FGF12: variants seen among roughly 807,000 people sequenced by gnomAD.
The protein encoded by FGF12 is fibroblast growth factor 12B.
Under a neutral mutation model 23.6 loss-of-function variants are expected in FGF12, and 14 were observed. The observed-to-expected ratio is 0.59, with a 90% CI of 0.39 to 0.93. The LOEUF (loss-of-function observed/expected upper bound fraction) is 0.93. FGF12 is among the 40% of genes least tolerant of loss of function. FGF12 has a pLI of 0.00. For synonymous variants in FGF12, 62 were observed against 77.3 expected, an observed-to-expected ratio of 0.80 and a Z score of 1.04; for missense variants, 175 against 217.8, an observed-to-expected ratio of 0.80 and a Z score of 1.24.
At chr3:192,479,781 C>T (rs1723428698) in intron 2 of FGF12, among the ~76,000 whole-genome samples, 1 of 152,090 alleles carries the variant, frequency 6.6e-6, no homozygotes, top group Admixed American at 6.6e-5. Flanking sequence ...TTTCCCATCC[C>T]CTAGAATATT....
At chr3:192,577,674 T>C (rs983377176) in intron 2 of FGF12, among the ~76,000 whole-genome samples, 2 of 152,226 alleles carry the variant, frequency 1.3e-5, no homozygotes, top group Non-Finnish European at 2.9e-5. Flanking sequence ...TTGAGGTTCA[T>C]AAAATAATTT....
chr3:192,228,014 G>C (rs547504734), intron 4 of FGF12, among the ~76,000 whole-genome samples: 32 of 152,232 alleles, frequency 2.1e-4, no homozygotes, highest in African/African-American at 7.7e-4. Flanking sequence ...TGAGGAAAGA[G>C]GAGATGTTGG....
intron 4 of FGF12, among the ~76,000 whole-genome samples, chr3:192,311,751 T>C (rs1715949677): frequency 6.6e-6 from 1 of 152,232 alleles, no homozygotes; most frequent in South Asian, 2.1e-4. Context: ...TGCACCATTT[T>C]ACATTCTCAC....
chr3:192,340,870 T>A (rs1039912773), intron 3 of FGF12, among the ~76,000 whole-genome samples: 8 of 151,878 alleles, frequency 5.3e-5, no homozygotes, highest in South Asian at 2.1e-4. Flanking sequence ...GAAAAAAACA[T>A]AGGGGAAAAA....
chr3:192,462,638 T>C (rs1722897610), intron 2 of FGF12, among the ~76,000 whole-genome samples: 2 of 152,176 alleles, frequency 1.3e-5, no homozygotes, highest in South Asian at 2.1e-4. Context: ...CACAGAGTTA[T>C]TGGCAAGTTA....
rs1218475398 is a variant in FGF12, at chr3:192,141,553, A to G, written c.*2456T>C. Reference sequence around the variant, plus strand: ...TGAACATTTGCTTAACATAATACGGAGAAAAACAATATACAAATTGTGTGG... The same window carrying G: ...TGAACATTTGCTTAACATAATACGGGGAAAAACAATATACAAATTGTGTGG... On this transcript the variant is annotated 3_prime_UTR_variant, in exon 6 of 6. Transcript: ENST00000445105. 6.6e-6 allele frequency: 1 copy of G among 152,048 alleles called. No individual in the cohort carries two copies. The highest frequency in any genetic ancestry group is 1.5e-5 in the Non-Finnish European group (1 of 67,892). 9.4% of individuals were successfully genotyped at this position (152,048 alleles called of 1,614,324 possible).
At chr3:192,280,494 G>C (rs2108638722) in intron 4 of FGF12, among the ~76,000 whole-genome samples, 1 of 152,176 alleles carries the variant, frequency 6.6e-6, no homozygotes, top group Non-Finnish European at 1.5e-5. Context: ...AAAATCAATA[G>C]TTGTATTACT....
chr3:192,169,939 T>C (rs1256040035), intron 5 of FGF12, among the ~76,000 whole-genome samples: 2 of 150,504 alleles, frequency 1.3e-5, no homozygotes, highest in African/African-American at 2.4e-5. Context: ...CTGAGAAGGA[T>C]ACAGTGCAAT....
intron 4 of FGF12, among the ~76,000 whole-genome samples, chr3:192,236,423 T>C (rs1719303039): frequency 1.3e-5 from 2 of 152,234 alleles, no homozygotes; most frequent in Non-Finnish European, 2.9e-5. Context: ...GTTAGCTTTC[T>C]GCCTTCATGA....
chr3:192,696,268 C>G (rs748842990), intron 2 of FGF12, among the ~76,000 whole-genome samples: 1 of 151,884 alleles, frequency 6.6e-6, no homozygotes, highest in Non-Finnish European at 1.5e-5. Context: ...AATTCTTACC[C>G]TTTCCTATAA....
chr3:192,327,476 T>C (rs953649266), intron 4 of FGF12, among the ~76,000 whole-genome samples: 3 of 152,042 alleles, frequency 2.0e-5, no homozygotes, highest in African/African-American at 7.2e-5. Context: ...AAAATTCTCA[T>C]TTAGTTCATA....
chr3:192,636,610 T>C (rs1162460854), intron 2 of FGF12, among the ~76,000 whole-genome samples: 1 of 152,180 alleles, frequency 6.6e-6, no homozygotes, highest in African/African-American at 2.4e-5. Context: ...TGTGGGTACA[T>C]GTGTATGTAT....
chr3:192,271,677 G>C (rs980272656), intron 4 of FGF12, among the ~76,000 whole-genome samples: 1 of 151,972 alleles, frequency 6.6e-6, no homozygotes, highest in South Asian at 2.1e-4. Context: ...TTTCTGTTTG[G>C]GGGGAAGTCT....
chr3:192,640,641 A>G lies in FGF12; in HGVS notation c.13+86540T>C, dbSNP rs1170499067. 2.0e-5 allele frequency among the ~76,000 whole-genome samples: 3 copies of G among 152,324 alleles called. No individual in the cohort carries two copies. The East Asian group carries it at 5.8e-4, about 29-fold the overall frequency. On this transcript the variant is annotated intron_variant, in intron 2 of 5. Coordinates refer to ENST00000445105, the MANE Select transcript of FGF12 (RefSeq NM_004113.6). ...AGCCCAATCTTACATAAAATGTGTT[A>G]AAAACTTGAGTAAATAAATAAAAAT...
At chr3:192,656,752 C>A (rs546472598) in intron 2 of FGF12, among the ~76,000 whole-genome samples, 1 of 152,294 alleles carries the variant, frequency 6.6e-6, no homozygotes, top group East Asian at 1.9e-4. Flanking sequence ...GAGTACCCAA[C>A]AAGAAAACAC....
intron 4 of FGF12, among the ~76,000 whole-genome samples, chr3:192,290,318 C>T (rs1714687799): frequency 6.6e-6 from 1 of 152,042 alleles, no homozygotes; most frequent in Non-Finnish European, 1.5e-5. Context: ...TATGATTTCT[C>T]AATTAAAAAT....
chr3:192,664,611 A>AAAAAAAAAAAAAAC, intron 2 of FGF12, among the ~76,000 whole-genome samples: 1 of 146,698 alleles, frequency 6.8e-6, no homozygotes, highest in African/African-American at 2.5e-5. Flanking sequence ...AATACAAAAA[A>AAAAAAAAAAAAAAC]AAAAAAAAGC....
At chr3:192,522,054 C>T (rs1412486282) in intron 2 of FGF12, among the ~76,000 whole-genome samples, 3 of 151,990 alleles carry the variant, frequency 2.0e-5, no homozygotes, top group Admixed American at 6.6e-5. Flanking sequence ...AAATATTAGC[C>T]GAGCGCGGTG....
chr3:192,182,676 G>C (rs762904539), intron 4 of FGF12, among the ~76,000 whole-genome samples: 10 of 152,118 alleles, frequency 6.6e-5, no homozygotes, highest in Non-Finnish European at 1.3e-4. Flanking sequence ...ATATATTAAA[G>C]CAAACAAACT....
Sources: gnomAD v4.1 joint callset for allele counts (sites outside exome capture counted in the v4.1 genomes callset) on GRCh38, gnomAD v4.1.1 for gene constraint, MANE v1.5 for transcripts, NCBI Gene and HGNC (gene_info 2026-07-23, HGNC 2026-07-21) for gene names.